PCDH9: variants seen among roughly 807,000 people sequenced by gnomAD.
The protein encoded by PCDH9 is protocadherin-9.
In PCDH9, 24 loss-of-function variants were observed where a neutral mutation model predicts 70.6. The observed-to-expected ratio is 0.34, with a 90% confidence interval of 0.25 to 0.48. The LOEUF (loss-of-function observed/expected upper bound fraction) is 0.48. Ranked by LOEUF, PCDH9 falls within the 20% of genes least tolerant of loss-of-function variation. The pLI, the probability that PCDH9 is intolerant of heterozygous loss-of-function variation, is 0.99. For synonymous variants in PCDH9, 562 were observed against 558.5 expected, an observed-to-expected ratio of 1.01 and a Z score of -0.09; for missense variants, 1,281 against 1,503.6, an observed-to-expected ratio of 0.85 and a Z score of 2.45.
intron 3 of PCDH9, among the ~76,000 whole-genome samples, chr13:66,738,284 G>C (rs888921028): frequency 7.3e-5 from 11 of 151,484 alleles, no homozygotes; most frequent in Non-Finnish European, 1.3e-4. Context: ...TGAGGGTGCT[G>C]TCTGTTAGAA....
chr13:66,587,061 C>T (rs541289283), intron 4 of PCDH9, among the ~76,000 whole-genome samples: 10 of 152,006 alleles, frequency 6.6e-5, no homozygotes, highest in African/African-American at 1.9e-4. Flanking sequence ...TTTAGGAGGC[C>T]AAAGCAAGAA....
At chr13:66,832,675 C>G (rs952657356) in intron 3 of PCDH9, among the ~76,000 whole-genome samples, 42 of 151,988 alleles carry the variant, frequency 2.8e-4, no homozygotes, top group Non-Finnish European at 5.3e-4. Flanking sequence ...ATGGCTTTCC[C>G]AAATATTCAA....
chr13:66,623,111 G>T (rs547415094), intron 4 of PCDH9, among the ~76,000 whole-genome samples: 1 of 152,192 alleles, frequency 6.6e-6, no homozygotes. Flanking sequence ...CAGACACGCC[G>T]CCTTTAAGAA....
At chr13:66,416,937 T>A (rs1323589327) in intron 4 of PCDH9, among the ~76,000 whole-genome samples, 2 of 152,158 alleles carry the variant, frequency 1.3e-5, no homozygotes, top group Non-Finnish European at 1.5e-5. Flanking sequence ...GGAATAAAAA[T>A]GTTATCAAAT....
At chr13:66,564,920 G>A (rs1303240268) in intron 4 of PCDH9, among the ~76,000 whole-genome samples, 1 of 151,564 alleles carries the variant, frequency 6.6e-6, no homozygotes, top group Non-Finnish European at 1.5e-5. Flanking sequence ...TAAATCAATG[G>A]AAGGGTTATA....
chr13:66,530,359 C>T (rs527488151), intron 4 of PCDH9, among the ~76,000 whole-genome samples: 2 of 152,142 alleles, frequency 1.3e-5, no homozygotes, highest in South Asian at 2.1e-4. Flanking sequence ...GACTTGGTAA[C>T]ATTTTACTTC....
intron 3 of PCDH9, among the ~76,000 whole-genome samples, chr13:66,711,314 G>C (rs143275459): frequency 1.4e-3 from 206 of 151,582 alleles, no homozygotes; most frequent in African/African-American, 4.8e-3. Context: ...TGTGAATTCA[G>C]ATCTATGTTT....
intron 4 of PCDH9, among the ~76,000 whole-genome samples, chr13:66,429,933 T>C (rs1227725619): frequency 6.6e-6 from 1 of 152,036 alleles, no homozygotes; most frequent in Non-Finnish European, 1.5e-5. Flanking sequence ...TTTATCGATC[T>C]TCCTCTTTAC....
At chr13:66,663,103 G>A (rs191680839) in intron 3 of PCDH9, among the ~76,000 whole-genome samples, 2 of 152,234 alleles carry the variant, frequency 1.3e-5, no homozygotes, top group Admixed American at 1.3e-4. Context: ...GATGTGAAGG[G>A]AGATAAACAA....
At chr13:66,400,180 T>G (rs986401119) in intron 4 of PCDH9, among the ~76,000 whole-genome samples, 1 of 152,136 alleles carries the variant, frequency 6.6e-6, no homozygotes, top group African/African-American at 2.4e-5. Flanking sequence ...GAAACAGTAT[T>G]TTTCTACTTC....
At chr13:67,013,264 AACACACACAC>A (rs111347560) in intron 2 of PCDH9, among the ~76,000 whole-genome samples, 3 of 144,492 alleles carry the variant, frequency 2.1e-5, no homozygotes, top group South Asian at 2.2e-4. Context: ...TTTTTAATGT[AACACACACAC>A]ACACACACAC....
chr13:67,225,107 G>C (rs2089823002), intron 2 of PCDH9: 6 of 1,272,536 alleles, frequency 4.7e-6, no homozygotes, highest in Middle Eastern at 6.1e-4. Flanking sequence ...TATCAGGACA[G>C]GTTTTTTCTT....
intron 3 of PCDH9, among the ~76,000 whole-genome samples, chr13:66,884,865 T>C (rs1436706455): frequency 2.6e-5 from 4 of 152,202 alleles, no homozygotes; most frequent in Non-Finnish European, 5.9e-5. Context: ...ACAAGTTACA[T>C]TCTATGTCTC....
chr13:67,142,999 A>G (rs2087433694), intron 2 of PCDH9, among the ~76,000 whole-genome samples: 1 of 152,122 alleles, frequency 6.6e-6, no homozygotes, highest in Non-Finnish European at 1.5e-5. Context: ...ACAGAGCTAG[A>G]CTACGTATCA....
At chr13:66,929,619 T>C (rs2082774143) in intron 2 of PCDH9, among the ~76,000 whole-genome samples, 1 of 152,110 alleles carries the variant, frequency 6.6e-6, no homozygotes, top group Non-Finnish European at 1.5e-5. Context: ...TTACCACACC[T>C]AGCTGACTTA....
chr13:67,110,735 C>T (rs2086643499), intron 2 of PCDH9, among the ~76,000 whole-genome samples: 1 of 152,148 alleles, frequency 6.6e-6, no homozygotes, highest in African/African-American at 2.4e-5. Context: ...ATCTAGATAA[C>T]ATAATTCACT....
intron 3 of PCDH9, among the ~76,000 whole-genome samples, chr13:66,775,135 C>G (rs1769692937): frequency 6.6e-6 from 1 of 152,052 alleles, no homozygotes; most frequent in African/African-American, 2.4e-5. Context: ...TTAAAAATGA[C>G]AAAACATTTG....
chr13:66,873,928 T>C lies in PCDH9; in HGVS notation c.3138+29576A>G, dbSNP rs558044943. 4.3e-4 allele frequency among the ~76,000 whole-genome samples: 60 copies of C among 140,380 alleles called. 1 individual carries two copies. The South Asian group carries it at 8.0e-3, about 19-fold the overall frequency. The allele number at this position is 140,380 out of a possible 152,430, so 92.1% of individuals were successfully genotyped here. The stretch of plus-strand genomic sequence containing the variant: ...TTTTTCTTTTCGTTTCTTTTTTTTT[T>C]TTTCTTTCTTTCTTTTTTTTTTTTT... On this transcript the variant is annotated intron_variant, in intron 3 of 4. Transcript: ENST00000377865.
chr13:66,537,440 T>C (rs1373811845), intron 4 of PCDH9, among the ~76,000 whole-genome samples: 2 of 152,054 alleles, frequency 1.3e-5, no homozygotes, highest in Admixed American at 6.6e-5. Context: ...TTATGTAGCA[T>C]AACAGGCCTA....
Sources: allele counts gnomAD v4.1 joint callset (sites outside exome capture counted in the v4.1 genomes callset), GRCh38; gene constraint gnomAD v4.1.1; transcripts MANE v1.5; gene names NCBI Gene and HGNC (gene_info 2026-07-23, HGNC 2026-07-21).